AMBRA1: variants seen among roughly 807,000 people sequenced by gnomAD.
AMBRA1 encodes the protein autophagy and beclin 1 regulator 1.
Under a neutral mutation model 125.4 loss-of-function variants are expected in AMBRA1, and 47 were observed. The ratio of observed to expected loss-of-function variants is 0.37; its 90% CI spans 0.30 to 0.48. AMBRA1 has a LOEUF of 0.48. Ranked by LOEUF, AMBRA1 falls within the 20% of genes least tolerant of loss-of-function variation. The probability of loss-of-function intolerance (pLI) is 0.99; values close to 1 mark genes in which losing one functional copy is unlikely to be tolerated. For synonymous variants in AMBRA1, 626 were observed against 655.5 expected (o/e 0.95, Z 0.69); for missense variants, 1,331 against 1,693.4 (o/e 0.79, Z 3.76).
At chr11:46,432,087 T>G (rs1307648871) in intron 14 of AMBRA1, among the ~76,000 whole-genome samples, 1 of 152,186 alleles carries the variant, frequency 6.6e-6, no homozygotes, top group Non-Finnish European at 1.5e-5. Context: ...CACTTTCTAC[T>G]AAGTGTCAGG....
intron 11 of AMBRA1, among the ~76,000 whole-genome samples, chr11:46,470,835 A>G (rs1164593614): frequency 2.0e-5 from 3 of 152,184 alleles, no homozygotes; most frequent in Admixed American, 2.0e-4. Context: ...CATCAGACAA[A>G]TATTTGAGTA....
At chr11:46,557,709 G>A (rs2043199888) in intron 1 of AMBRA1, among the ~76,000 whole-genome samples, 1 of 152,340 alleles carries the variant, frequency 6.6e-6, no homozygotes, top group African/African-American at 2.4e-5. Flanking sequence ...TCGGAAGGCT[G>A]AGGTGGGAGG....
intron 12 of AMBRA1, among the ~76,000 whole-genome samples, 162 bp from the exon 13 acceptor site, chr11:46,435,199 C>T (rs924002213): frequency 6.6e-6 from 1 of 152,138 alleles, no homozygotes; most frequent in East Asian, 1.9e-4. Context: ...ATGAACAAAA[C>T]ACAGGAGGCA....
chr11:46,577,996 T>C (rs2044020284), intron 1 of AMBRA1, among the ~76,000 whole-genome samples: 1 of 151,944 alleles, frequency 6.6e-6, no homozygotes, highest in African/African-American at 2.4e-5. Context: ...CTGAGTGTGG[T>C]GGTTTGTACC....
intron 7 of AMBRA1, among the ~76,000 whole-genome samples, chr11:46,541,290 C>A (rs777048790): frequency 5.3e-5 from 8 of 152,264 alleles, no homozygotes; most frequent in Middle Eastern, 3.4e-3. Flanking sequence ...ATGAATTATT[C>A]TTCTTCTCCA....
chr11:46,577,928 C>A (rs1332289630), intron 1 of AMBRA1, among the ~76,000 whole-genome samples: 4 of 152,014 alleles, frequency 2.6e-5, no homozygotes, highest in Non-Finnish European at 5.9e-5. Context: ...CCAGCCTGGG[C>A]AACAAGAGTA....
chr11:46,508,258 A>T lies in AMBRA1; in HGVS notation c.2272T>A (p.Ser758Thr), dbSNP rs748179586. ...YQQNRLRSST[S>T]SSSSDNQGPS... is the part of the protein sequence containing the mutation. Reference sequence around the variant, plus strand: ...CCCTGGTTGTCTGAGGAAGAGGAGGAGGTGGAAGAACGGAGACGGTTCTGT... The same window carrying T: ...CCCTGGTTGTCTGAGGAAGAGGAGGTGGTGGAAGAACGGAGACGGTTCTGT... The change falls in exon 9 of 18, where the codon TCC (serine) becomes ACC (threonine). Residue 758 changes from serine (S) to threonine (T), a missense_variant. Transcript: ENST00000683756. 3.7e-6 allele frequency: 6 copies of T among 1,614,164 alleles called. No homozygotes were observed. Among genetic ancestry groups the T allele is most frequent in the Admixed American group, 3.3e-5 (2 of 60,022 alleles).
At chr11:46,493,736 C>T in intron 10 of AMBRA1, 28 bp from the exon 11 acceptor site, 5 of 1,555,744 alleles carry the variant, frequency 3.2e-6, no homozygotes, top group South Asian at 1.2e-5. Flanking sequence ...ATGTGAAAAG[C>T]TGACTAAAGA....
intron 7 of AMBRA1, among the ~76,000 whole-genome samples, chr11:46,514,925 T>C (rs1398125337): frequency 6.6e-6 from 1 of 152,198 alleles, no homozygotes; most frequent in Non-Finnish European, 1.5e-5. Flanking sequence ...GAGAAGAGTA[T>C]TCAGGTCATT....
intron 1 of AMBRA1, among the ~76,000 whole-genome samples, chr11:46,562,455 G>T (rs2043371152): frequency 6.6e-6 from 1 of 152,184 alleles, no homozygotes; most frequent in South Asian, 2.1e-4. Context: ...GGGAATTTGG[G>T]CCAGGGTTAT....
At chr11:46,527,262 T>C (rs1952012838) in intron 7 of AMBRA1, among the ~76,000 whole-genome samples, 2 of 152,038 alleles carry the variant, frequency 1.3e-5, no homozygotes, top group South Asian at 4.1e-4. Context: ...GGAGGATCAC[T>C]GGAAGCCAGG....
At chr11:46,505,902 C>T (rs1951020306) in intron 9 of AMBRA1, among the ~76,000 whole-genome samples, 1 of 152,130 alleles carries the variant, frequency 6.6e-6, no homozygotes, top group African/African-American at 2.4e-5. Flanking sequence ...TTCACCACTG[C>T]AAAAAGATAA....
At chr11:46,411,100 A>AAAAAAAAAAAAAAAG (rs780100073) in intron 15 of AMBRA1, among the ~76,000 whole-genome samples, 2 of 106,646 alleles carry the variant, frequency 1.9e-5, no homozygotes, top group Non-Finnish European at 4.4e-5. Context: ...ACTCTGTCTC[A>AAAAAAAAAAAAAAAG]AAAAAAAAAA....
rs568294268 is a variant in AMBRA1, at chr11:46,435,649, G to A, written c.2633-612C>T. 7.9e-5 allele frequency among the ~76,000 whole-genome samples: 12 copies of A among 152,316 alleles called. No homozygotes were observed. The East Asian group carries it at 1.2e-3, about 15-fold the overall frequency. On this transcript the variant is annotated intron_variant, in intron 12 of 17. Transcript: ENST00000683756. ...AGGAAACAGAACAAAGCCCAGCTGC[G>A]GCTGGATGGCCAGGGCTCTTTTCAT... is the stretch of plus-strand genomic sequence containing the variant.
intron 7 of AMBRA1, among the ~76,000 whole-genome samples, chr11:46,537,899 G>C (rs997420444): frequency 6.6e-6 from 1 of 152,146 alleles, no homozygotes; most frequent in Non-Finnish European, 1.5e-5. Context: ...CACTCACTCA[G>C]GAACAACAGT....
intron 11 of AMBRA1, among the ~76,000 whole-genome samples, chr11:46,476,676 A>C (rs952246262): frequency 6.6e-6 from 1 of 152,308 alleles, no homozygotes; most frequent in Admixed American, 6.5e-5. Flanking sequence ...GCTATACAAC[A>C]TTTTACCACT....
intron 7 of AMBRA1, among the ~76,000 whole-genome samples, chr11:46,516,071 G>A (rs1951465952): frequency 6.6e-6 from 1 of 152,192 alleles, no homozygotes; most frequent in Non-Finnish European, 1.5e-5. Flanking sequence ...CCCAAAATAT[G>A]AAGCTTTGTT....
chr11:46,511,461 A>T (rs1951254016), intron 8 of AMBRA1, among the ~76,000 whole-genome samples: 1 of 152,232 alleles, frequency 6.6e-6, no homozygotes, highest in African/African-American at 2.4e-5. Context: ...TCATGACATA[A>T]CTGTGGCAAC....
chr11:46,537,671 C>G lies in AMBRA1; in HGVS notation c.2072+4274G>C, dbSNP rs146273494. ...CAGTTTGCCCTCCACTGCCCACAGG[C>G]AAAAGGAGACAAACCGTGTACTGGT... On this transcript the variant is annotated intron_variant, in intron 7 of 17. Coordinates refer to ENST00000683756, the MANE Select transcript of AMBRA1 (RefSeq NM_001387011.1). Among the ~76,000 whole-genome samples the G allele has an allele frequency of 2.0e-3, 312 of 152,280 alleles. 1 individual carries two copies. Among genetic ancestry groups the G allele is most frequent in the South Asian group, 2.9e-3 (14 of 4,832 alleles).
Sources: gnomAD v4.1 joint callset for allele counts (sites outside exome capture counted in the v4.1 genomes callset) on GRCh38, gnomAD v4.1.1 for gene constraint, MANE v1.5 for transcripts, NCBI Gene and HGNC (gene_info 2026-07-23, HGNC 2026-07-21) for gene names.